The following ROBO2 variants were observed in gnomAD, a reference collection of about 807,000 sequenced individuals.
ROBO2 encodes roundabout guidance receptor 2.
In ROBO2, 53 loss-of-function variants were observed where a neutral mutation model predicts 160.8. The ratio of observed to expected loss-of-function variants is 0.33; its 90% CI spans 0.26 to 0.41. The LOEUF is 0.41. ROBO2 is among the 10% of genes least tolerant of loss of function. The pLI, the probability that ROBO2 is intolerant of heterozygous loss-of-function variation, is 1.00. For missense variants in ROBO2, 1,577 were observed against 1,722.4 expected (o/e 0.92, Z 1.49); for synonymous variants, 664 against 611.7 (o/e 1.09, Z -1.26).
At chr3:77,639,374 A>G (rs1318924755) in intron 24 of ROBO2, among the ~76,000 whole-genome samples, 1 of 152,300 alleles carries the variant, frequency 6.6e-6, no homozygotes, top group Admixed American at 6.5e-5. Flanking sequence ...ACATATAAGT[A>G]AGATGGTGAT....
chr3:76,715,898 C>G (rs759965461), intron 2 of ROBO2, among the ~76,000 whole-genome samples: 2 of 152,016 alleles, frequency 1.3e-5, no homozygotes, highest in Non-Finnish European at 2.9e-5. Flanking sequence ...ACAAAGGGGA[C>G]ACATATATTC....
chr3:77,129,422 T>G (rs946492078), intron 2 of ROBO2, among the ~76,000 whole-genome samples: 1 of 152,202 alleles, frequency 6.6e-6, no homozygotes, highest in Non-Finnish European at 1.5e-5. Context: ...GAGAAATAAG[T>G]TTGTTTATTC....
chr3:75,966,510 A>G (rs1156256958), intron 2 of ROBO2, among the ~76,000 whole-genome samples: 2 of 151,738 alleles, frequency 1.3e-5, no homozygotes, highest in East Asian at 1.9e-4. Flanking sequence ...TTGTATGATT[A>G]ATAAAATACA....
At chr3:77,314,039 G>T (rs1332939197) in intron 2 of ROBO2, among the ~76,000 whole-genome samples, 1 of 152,172 alleles carries the variant, frequency 6.6e-6, no homozygotes, top group Non-Finnish European at 1.5e-5. Context: ...TGACACTCTG[G>T]TGATAGTGGC....
intron 2 of ROBO2, among the ~76,000 whole-genome samples, chr3:75,946,638 G>A (rs1479047902): frequency 6.6e-6 from 1 of 152,036 alleles, no homozygotes; most frequent in Non-Finnish European, 1.5e-5. Flanking sequence ...AGACAAATAG[G>A]GAGGTACTTT....
At chr3:76,364,210 C>T (rs773535592) in intron 2 of ROBO2, among the ~76,000 whole-genome samples, 1 of 151,980 alleles carries the variant, frequency 6.6e-6, no homozygotes, top group Non-Finnish European at 1.5e-5. Context: ...CTTGTCTTTT[C>T]TATTTCAATT....
At chr3:76,375,150 A>T (rs2076282660) in intron 2 of ROBO2, among the ~76,000 whole-genome samples, 1 of 151,932 alleles carries the variant, frequency 6.6e-6, no homozygotes, top group Non-Finnish European at 1.5e-5. Flanking sequence ...GATTTCAGTA[A>T]AACTGTGAGA....
chr3:77,066,860 C>A (rs1243010226), intron 1 of ROBO2, among the ~76,000 whole-genome samples: 2 of 152,014 alleles, frequency 1.3e-5, no homozygotes, highest in African/African-American at 2.4e-5. Flanking sequence ...ACAGACAAAT[C>A]TTTGGTATCC....
intron 2 of ROBO2, among the ~76,000 whole-genome samples, chr3:77,413,643 C>G (rs769419899): frequency 6.6e-6 from 1 of 152,088 alleles, no homozygotes; most frequent in Non-Finnish European, 1.5e-5. Context: ...GTGGAATCAG[C>G]GGAGAGGTTA....
At chr3:76,869,748 T>G (rs2071825927) in intron 2 of ROBO2, among the ~76,000 whole-genome samples, 1 of 152,138 alleles carries the variant, frequency 6.6e-6, no homozygotes, top group African/African-American at 2.4e-5. Context: ...GCATTTATAT[T>G]GAAAAAAGTA....
intron 2 of ROBO2, among the ~76,000 whole-genome samples, chr3:77,146,857 A>G (rs980669633): frequency 6.6e-6 from 1 of 152,138 alleles, no homozygotes; most frequent in African/African-American, 2.4e-5. Context: ...AGTCCCAGCT[A>G]CTCAGAGATT....
chr3:77,572,706 A>C (rs763847539), intron 13 of ROBO2, among the ~76,000 whole-genome samples: 1 of 151,620 alleles, frequency 6.6e-6, no homozygotes, highest in Non-Finnish European at 1.5e-5. Flanking sequence ...TGGACATTCT[A>C]AGTATTTCCT....
At chr3:77,526,789 A>C (rs2091206301) in intron 6 of ROBO2, among the ~76,000 whole-genome samples, 1 of 151,496 alleles carries the variant, frequency 6.6e-6, no homozygotes, top group South Asian at 2.1e-4. Flanking sequence ...GCCCTCTGCC[A>C]GAAGAAGAAA....
intron 2 of ROBO2, among the ~76,000 whole-genome samples, chr3:76,416,503 G>A (rs1013560283): frequency 6.6e-6 from 1 of 152,058 alleles, no homozygotes; most frequent in Non-Finnish European, 1.5e-5. Context: ...TATATTCTTT[G>A]TAATTAAAAA....
At chr3:77,540,795 T>C (rs754082435) in intron 6 of ROBO2, among the ~76,000 whole-genome samples, 28 of 152,160 alleles carry the variant, frequency 1.8e-4, no homozygotes, top group Non-Finnish European at 3.5e-4. Context: ...AGTTTACTGG[T>C]TTTACATCAT....
At chr3:76,038,010 T>C (rs2067169444) in intron 2 of ROBO2, among the ~76,000 whole-genome samples, 1 of 152,038 alleles carries the variant, frequency 6.6e-6, no homozygotes, top group Admixed American at 6.5e-5. Flanking sequence ...TCTTACCTTA[T>C]CTGAAGGGTA....
At chr3:76,723,061 AT>A (rs1476856314) in intron 2 of ROBO2, among the ~76,000 whole-genome samples, 3 of 152,158 alleles carry the variant, frequency 2.0e-5, no homozygotes, top group Non-Finnish European at 4.4e-5. Flanking sequence ...TTAGAATATG[AT>A]TACTTTTAAA....
intron 2 of ROBO2, among the ~76,000 whole-genome samples, chr3:76,187,737 C>G (rs960457936): frequency 6.6e-6 from 1 of 152,132 alleles, no homozygotes. Flanking sequence ...GATTCTGTCT[C>G]TAAATGGTAC....
rs866620398 is a variant in ROBO2 at position 75,965,545 on chromosome 3, A to G, written c.109+27943A>G. On this transcript the variant is annotated intron_variant, in intron 2 of 26. Transcript: ENST00000487694. ...GTTTGTGAGTCTCTTGGTCATTCCA[A>G]ACTAAGCTAATCATCCTGTACTTTA... 4.0e-4 allele frequency among the ~76,000 whole-genome samples: 3 copies of G among 7,430 alleles called. No homozygotes were observed. In the Non-Finnish European group the frequency reaches 4.9e-3, roughly 12 times the overall value. The allele number at this position is 7,430 out of a possible 152,430, so 4.9% of individuals were successfully genotyped here. A position where few individuals can be genotyped will look rare whatever the true frequency, so the allele number is the denominator to read the frequency against.
Sources: gnomAD v4.1 joint callset for allele counts (sites outside exome capture counted in the v4.1 genomes callset) on GRCh38, gnomAD v4.1.1 for gene constraint, MANE v1.5 for transcripts, NCBI Gene and HGNC (gene_info 2026-07-23, HGNC 2026-07-21) for gene names.